The following RBM47 variants were observed in gnomAD, a reference collection of about 807,000 sequenced individuals.
The protein encoded by RBM47 is RNA-binding protein 47.
A neutral mutation model predicts 47.1 loss-of-function variants in RBM47; 21 were observed. The ratio of observed to expected loss-of-function variants is 0.45; its 90% CI spans 0.32 to 0.64. The LOEUF is 0.64. RBM47 is among the 30% of genes least tolerant of loss of function. The pLI is 0.05. For synonymous variants in RBM47, 375 were observed against 361.7 expected (o/e 1.04, Z -0.42); for missense variants, 708 against 870.9 (o/e 0.81, Z 2.35).
chr4:40,595,919 A>C (rs2154276217), intron 1 of RBM47, among the ~76,000 whole-genome samples: 1 of 152,286 alleles, frequency 6.6e-6, no homozygotes, highest in South Asian at 2.1e-4. Context: ...GCCAAAAAAA[A>C]AAAAAAGAGA....
chr4:40,469,474 C>G (rs1017827531), intron 2 of RBM47, among the ~76,000 whole-genome samples: 30 of 150,828 alleles, frequency 2.0e-4, no homozygotes, highest in Non-Finnish European at 3.1e-4. Context: ...CACTCCATCC[C>G]CCAGGCTGGA....
chr4:40,453,620 C>T (rs1465052957), intron 3 of RBM47, among the ~76,000 whole-genome samples: 2 of 152,150 alleles, frequency 1.3e-5, no homozygotes, highest in African/African-American at 4.8e-5. Context: ...AGACCTTCTG[C>T]TGACTGTCAG....
chr4:40,464,258 C>A (rs187148936), intron 3 of RBM47, among the ~76,000 whole-genome samples: 73 of 152,270 alleles, frequency 4.8e-4, no homozygotes, highest in African/African-American at 1.6e-3. Flanking sequence ...ATGCGGTAGT[C>A]CCCCTTCATC....
At chr4:40,541,027 A>G (rs1178504963) in intron 2 of RBM47, among the ~76,000 whole-genome samples, 1 of 151,948 alleles carries the variant, frequency 6.6e-6, no homozygotes, top group Non-Finnish European at 1.5e-5. Flanking sequence ...AGTGGGTCAC[A>G]CTTGCAATCC....
At chr4:40,551,268 C>T (rs1385162619) in intron 1 of RBM47, among the ~76,000 whole-genome samples, 9 of 152,274 alleles carry the variant, frequency 5.9e-5, no homozygotes, top group African/African-American at 2.2e-4. Context: ...ATTCAAAAGA[C>T]AATTTAATCT....
At chr4:40,610,454 C>G (rs1012686916) in intron 1 of RBM47, among the ~76,000 whole-genome samples, 1 of 151,516 alleles carries the variant, frequency 6.6e-6, no homozygotes, top group African/African-American at 2.4e-5. Context: ...ACTAAAAATA[C>G]AAAAAATTAG....
At chr4:40,488,166 T>C (rs1721376496) in intron 2 of RBM47, among the ~76,000 whole-genome samples, 1 of 151,850 alleles carries the variant, frequency 6.6e-6, no homozygotes, top group Non-Finnish European at 1.5e-5. Context: ...TACTACAAAA[T>C]TAGCCAGTGT....
At chr4:40,616,939 G>C (rs1436193978) in intron 1 of RBM47, among the ~76,000 whole-genome samples, 2 of 144,776 alleles carry the variant, frequency 1.4e-5, no homozygotes, top group African/African-American at 5.1e-5. Flanking sequence ...GCAGTGGCGC[G>C]ATCTTGGCTC....
chr4:40,581,434 T>TAAATAAATA (rs1553904669), intron 1 of RBM47, among the ~76,000 whole-genome samples: 3 of 139,042 alleles, frequency 2.2e-5, no homozygotes, highest in Non-Finnish European at 3.1e-5. Flanking sequence ...AAAAAAGTAA[T>TAAATAAATA]AATAAATAAA....
At chr4:40,583,390 A>G (rs1315315483) in intron 1 of RBM47, among the ~76,000 whole-genome samples, 2 of 25,412 alleles carry the variant, frequency 7.9e-5, no homozygotes, top group African/African-American at 3.1e-4. Flanking sequence ...CCATCTCAGA[A>G]AAAAAAAAAA....
intron 1 of RBM47, among the ~76,000 whole-genome samples, chr4:40,573,068 G>T (rs1229056293): frequency 6.7e-6 from 1 of 148,680 alleles, no homozygotes; most frequent in Non-Finnish European, 1.5e-5. Context: ...CAGAAGAATT[G>T]CTTGAACCCA....
At chr4:40,492,233 G>C (rs1468430007) in intron 2 of RBM47, among the ~76,000 whole-genome samples, 1 of 152,036 alleles carries the variant, frequency 6.6e-6, no homozygotes, top group African/African-American at 2.4e-5. Context: ...AGCCAGGCCT[G>C]GGGGTATGCG....
At chr4:40,466,972 T>C (rs534728312) in intron 2 of RBM47, among the ~76,000 whole-genome samples, 1 of 152,300 alleles carries the variant, frequency 6.6e-6, no homozygotes, top group South Asian at 2.1e-4. Flanking sequence ...TTTGTGTTTG[T>C]CTCTATGCCT....
At chr4:40,460,057 G>C (rs2154226037) in intron 3 of RBM47, among the ~76,000 whole-genome samples, 1 of 152,240 alleles carries the variant, frequency 6.6e-6, no homozygotes, top group South Asian at 2.1e-4. Context: ...CGCCTGGCCA[G>C]GAGCTGGCAT....
intron 3 of RBM47, among the ~76,000 whole-genome samples, chr4:40,457,077 A>G (rs1356544360): frequency 1.3e-5 from 2 of 152,170 alleles, no homozygotes; most frequent in African/African-American, 4.8e-5. Flanking sequence ...CCAAAACCAA[A>G]CCAAACCCAG....
intron 1 of RBM47, among the ~76,000 whole-genome samples, chr4:40,575,896 C>A (rs140714303): frequency 5.0e-4 from 76 of 152,354 alleles, no homozygotes; most frequent in Admixed American, 1.5e-3. Flanking sequence ...CTGGCTCCAG[C>A]AGGGAGAGAA....
At chr4:40,444,105 G>A (rs939329405) in intron 3 of RBM47, among the ~76,000 whole-genome samples, 3 of 152,022 alleles carry the variant, frequency 2.0e-5, no homozygotes, top group African/African-American at 7.2e-5. Context: ...AGGCTGAGGT[G>A]GAAGGATCAC....
chr4:40,562,287 A>G (rs148363634), intron 1 of RBM47, among the ~76,000 whole-genome samples: 160 of 152,188 alleles, frequency 1.1e-3, no homozygotes, highest in African/African-American at 3.8e-3. Flanking sequence ...CCTGGAAAAA[A>G]GAGGACAGGT....
At chr4:40,535,465 G>A (rs1006067091) in intron 2 of RBM47, among the ~76,000 whole-genome samples, 10 of 146,068 alleles carry the variant, frequency 6.8e-5, no homozygotes, top group South Asian at 2.2e-4. Flanking sequence ...TCCGCCTCCC[G>A]GGTTCAAGCG....
Sources: allele counts gnomAD v4.1 joint callset (sites outside exome capture counted in the v4.1 genomes callset), GRCh38; gene constraint gnomAD v4.1.1; transcripts MANE v1.5; gene names NCBI Gene and HGNC (gene_info 2026-07-23, HGNC 2026-07-21).